Variants in BNC2 observed in about 807,000 individuals in gnomAD.
The protein encoded by BNC2 is zinc finger protein basonuclin-2.
In BNC2, 20 loss-of-function variants were observed where a neutral mutation model predicts 76.3. The observed-to-expected ratio is 0.26, with a 90% CI of 0.18 to 0.38. The LOEUF is 0.38. Ranked by LOEUF, BNC2 falls within the 10% of genes least tolerant of loss-of-function variation. BNC2 has a pLI of 1.00. For missense variants in BNC2, 1,382 were observed against 1,399.8 expected (o/e 0.99, Z 0.20); for synonymous variants, 582 against 514.8 (o/e 1.13, Z -1.77).
In BNC2 at chr9:16,750,104, A is replaced by T. The variant is rs138420951; in HGVS notation, c.4-11619T>A. 2.3e-3 allele frequency among the ~76,000 whole-genome samples: 345 copies of T among 152,350 alleles called. 2 individuals carry two copies. The highest frequency in any genetic ancestry group is 8.0e-3 in the African/African-American group (331 of 41,576). ...TAAACTAGGTAATTGTGAGAAATAA[A>T]TTAACAATTTAGAGTTTTGTTTTCT... On this transcript the variant is annotated intron_variant, in intron 1 of 6. Transcript: ENST00000380672.
intron 3 of BNC2, among the ~76,000 whole-genome samples, chr9:16,653,935 G>A (rs148861332): frequency 6.2e-4 from 93 of 151,134 alleles, no homozygotes; most frequent in African/African-American, 2.2e-3. Context: ...CTCCTTCCTC[G>A]GCCCCCCTCC....
intron 3 of BNC2, among the ~76,000 whole-genome samples, chr9:16,696,895 G>A (rs958568124): frequency 2.0e-5 from 3 of 152,124 alleles, no homozygotes; most frequent in African/African-American, 7.2e-5. Context: ...GCCTATTAAG[G>A]TTCAGTAACT....
At chr9:16,779,691 T>C (rs1318884615) in intron 1 of BNC2, among the ~76,000 whole-genome samples, 3 of 152,142 alleles carry the variant, frequency 2.0e-5, no homozygotes, top group Non-Finnish European at 4.4e-5. Flanking sequence ...TGGCACAACA[T>C]GGATGAACCT....
intron 1 of BNC2, among the ~76,000 whole-genome samples, chr9:16,861,095 A>C (rs1819395443): frequency 6.6e-6 from 1 of 150,982 alleles, no homozygotes; most frequent in Non-Finnish European, 1.5e-5. Flanking sequence ...TAATCCCAGA[A>C]TTTTGGGGGG....
intron 1 of BNC2, among the ~76,000 whole-genome samples, chr9:16,869,524 G>C (rs761536714): frequency 6.6e-6 from 1 of 152,248 alleles, no homozygotes; most frequent in East Asian, 1.9e-4. Context: ...GAGCAGGGAA[G>C]AGGAAAAAAT....
chr9:16,752,185 T>G (rs1409482749), intron 1 of BNC2, among the ~76,000 whole-genome samples: 2 of 81,404 alleles, frequency 2.5e-5, no homozygotes, highest in African/African-American at 7.7e-5. Context: ...TTTCAGATGA[T>G]AAGCTGTTTT....
intron 2 of BNC2, among the ~76,000 whole-genome samples, chr9:16,732,735 C>T (rs1490309776): frequency 2.0e-5 from 3 of 152,182 alleles, no homozygotes; most frequent in African/African-American, 7.2e-5. Context: ...TCATGTGACA[C>T]ACGCTGGTAT....
intron 3 of BNC2, among the ~76,000 whole-genome samples, chr9:16,584,539 G>T (rs1819718229): frequency 6.6e-6 from 1 of 152,036 alleles, no homozygotes; most frequent in Admixed American, 6.6e-5. Flanking sequence ...TCTTTAATTT[G>T]TGCTTCAATT....
chr9:16,774,537 G>A (rs1043808589), intron 1 of BNC2, among the ~76,000 whole-genome samples: 5 of 152,196 alleles, frequency 3.3e-5, no homozygotes, highest in Admixed American at 1.3e-4. Flanking sequence ...TGATTTCAAT[G>A]TTTATTTCCT....
intron 1 of BNC2, among the ~76,000 whole-genome samples, chr9:16,814,998 T>A (rs749571984): frequency 3.3e-5 from 5 of 152,074 alleles, no homozygotes; most frequent in Non-Finnish European, 7.4e-5. Flanking sequence ...AAATATTCAG[T>A]GTAAGGAATA....
At chr9:16,795,288 C>T (rs10962599) in intron 1 of BNC2, among the ~76,000 whole-genome samples, 75,410 of 151,908 alleles carry the variant, frequency 0.5, 25,186 homozygotes, top group Non-Finnish European at 0.75. Context: ...CACATGTGAC[C>T]GGTCTTTCTA....
At chr9:16,445,417 C>T (rs925669777) in intron 5 of BNC2, among the ~76,000 whole-genome samples, 1 of 152,046 alleles carries the variant, frequency 6.6e-6, no homozygotes, top group African/African-American at 2.4e-5. Context: ...GCTGGAACAA[C>T]TGTAATATTT....
At chr9:16,685,712 G>T in intron 3 of BNC2, 1 of 928,910 alleles carries the variant, frequency 1.1e-6, no homozygotes, top group Non-Finnish European at 1.5e-6. Flanking sequence ...GGCAGAGAGA[G>T]GAAATCCCAA....
intron 5 of BNC2, among the ~76,000 whole-genome samples, chr9:16,473,831 C>A (rs1466712440): frequency 6.6e-6 from 1 of 152,094 alleles, no homozygotes; most frequent in Admixed American, 6.6e-5. Context: ...CGAGATTGTG[C>A]CACTGCACTC....
At position 16,509,080 on chromosome 9, in the gene BNC2, C is replaced by A. The variant is rs570226692; in HGVS notation, c.669+43450G>T. Among the ~76,000 whole-genome samples the A allele has an allele frequency of 1.8e-4, 28 of 152,152 alleles. No homozygotes were observed. In the South Asian group the frequency reaches 5.4e-3, roughly 29 times the overall value. On this transcript the variant is annotated intron_variant, in intron 5 of 6. Transcript: ENST00000380672. ...CCTGGCCTCAAACTCCTTCCCTCAG[C>A]CTCCCAAAGCATTGAGATTACAACC...
intron 5 of BNC2, among the ~76,000 whole-genome samples, chr9:16,487,665 T>G (rs1419233998): frequency 1.3e-5 from 2 of 152,198 alleles, no homozygotes; most frequent in Admixed American, 6.5e-5. Context: ...CAAGCTATCT[T>G]CAGAAACAAT....
chr9:16,537,668 A>T (rs1229945592), intron 5 of BNC2, among the ~76,000 whole-genome samples: 4 of 152,186 alleles, frequency 2.6e-5, no homozygotes, highest in African/African-American at 9.6e-5. Flanking sequence ...AACAAAAGCC[A>T]AACCTTGACT....
chr9:16,435,090 A>G, intron 6 of BNC2: 1 of 471,428 alleles, frequency 2.1e-6, no homozygotes, highest in Non-Finnish European at 4.4e-6. Context: ...CCATCCGTAA[A>G]TTTCTGTTTC....
intron 3 of BNC2, among the ~76,000 whole-genome samples, chr9:16,605,784 CTTTT>C (rs34431220): frequency 2.3e-4 from 26 of 110,760 alleles, no homozygotes; most frequent in Non-Finnish European, 3.3e-4. Context: ...TTCAAGAATT[CTTTT>C]TTTTTTTTTT....
Sources: allele counts gnomAD v4.1 joint callset (sites outside exome capture counted in the v4.1 genomes callset), GRCh38; gene constraint gnomAD v4.1.1; transcripts MANE v1.5; gene names NCBI Gene and HGNC (gene_info 2026-07-23, HGNC 2026-07-21).